Variants in ARHGEF33 observed in about 807,000 individuals in gnomAD.
ARHGEF33 encodes the protein DH and coiled-coil domain-containing protein ENSP00000381780.
ARHGEF33 carries 72 observed loss-of-function variants against 101.9 expected under a neutral mutation model. That is an observed-to-expected ratio of 0.71 (90% CI 0.58 to 0.86). The LOEUF is 0.86. Among genes scored for constraint, ARHGEF33 ranks in the 40% least tolerant of loss-of-function variants. The probability of loss-of-function intolerance (pLI) is 0.00; values close to 1 mark genes in which losing one functional copy is unlikely to be tolerated. For missense variants in ARHGEF33, 1,169 were observed against 1,111.3 expected, an observed-to-expected ratio of 1.05 and a Z score of -0.74; for synonymous variants, 499 against 442.5, an observed-to-expected ratio of 1.13 and a Z score of -1.60.
chr2:38,929,947 G>T, intron 6 of ARHGEF33, 117 bp downstream of exon 6: 1 of 821,390 alleles, frequency 1.2e-6, no homozygotes, highest in Non-Finnish European at 1.8e-6. Context: ...GTGCTCCACA[G>T]CTTGGCATGC....
chr2:38,970,627 G>A (rs1303625615), intron 17 of ARHGEF33, among the ~76,000 whole-genome samples: 2 of 152,164 alleles, frequency 1.3e-5, no homozygotes, highest in Non-Finnish European at 2.9e-5. Flanking sequence ...CAATGTACTA[G>A]GTTCTGTCCA....
rs776127665 is a variant in ARHGEF33, at chr2:38,960,648, GGTAAA to G, written c.2343+6_2343+10del. 372 of 1,419,178 alleles carry G rather than the reference GGTAAA, an allele frequency of 2.6e-4. No homozygotes were observed. The highest frequency in any genetic ancestry group is 3.2e-4 in the Non-Finnish European group (348 of 1,072,638). The allele number at this position is 1,419,178 out of a possible 1,614,324, so 87.9% of individuals were successfully genotyped here. A position where few individuals can be genotyped will look rare whatever the true frequency, so the allele number is the denominator to read the frequency against. ...AACAGACCTATTTGGAAGTAAGGAG[GGTAAA>G]GTAAAACCGAACCGAAACCCACAGC... On this transcript the variant is annotated splice_donor_variant and splice_donor_5th_base_variant and intron_variant, in intron 16 of 17. Transcript: ENST00000409978. LOFTEE classifies it high-confidence loss of function.
chr2:38,923,318 A>G (rs1399670598), intron 4 of ARHGEF33, among the ~76,000 whole-genome samples: 1 of 152,212 alleles, frequency 6.6e-6, no homozygotes, highest in Non-Finnish European at 1.5e-5. Flanking sequence ...AAGAAGAAGA[A>G]AGAGGAGAAG....
intron 5 of ARHGEF33, 38 bp from the exon 6 acceptor site, chr2:38,929,671 A>G: frequency 2.0e-6 from 3 of 1,534,644 alleles, no homozygotes; most frequent in Non-Finnish European, 2.6e-6. Flanking sequence ...CTTTTACCCC[A>G]TGTACCACGT....
intron 15 of ARHGEF33, chr2:38,959,349 G>A (rs1667852821): frequency 6.6e-6 from 1 of 152,570 alleles, no homozygotes; most frequent in African/African-American, 2.4e-5. Flanking sequence ...ACATAGAAGA[G>A]TTCAGTGAAC....
At chr2:38,958,296 T>C in intron 15 of ARHGEF33, 98 bp downstream of exon 15, 1 of 1,443,026 alleles carries the variant, frequency 6.9e-7, no homozygotes, top group Non-Finnish European at 9.3e-7. Flanking sequence ...TCCATCCCCT[T>C]TCCCCATCAG....
intron 9 of ARHGEF33, 150 bp from the exon 10 acceptor site, chr2:38,943,751 G>A (rs185812007): frequency 3.9e-4 from 290 of 747,968 alleles, no homozygotes; most frequent in Admixed American, 1.3e-3. Flanking sequence ...GAATTACTGC[G>A]CCTCCATTCT....
At chr2:38,911,809 G>T (rs1288968515) in intron 2 of ARHGEF33, among the ~76,000 whole-genome samples, 1 of 152,186 alleles carries the variant, frequency 6.6e-6, no homozygotes, top group Non-Finnish European at 1.5e-5. Flanking sequence ...CCAGGAGGTT[G>T]AGGCAGTGAG....
rs1264429067 is a variant in ARHGEF33 at position 38,958,135 on chromosome 2, G to A, written c.1472G>A (p.Gly491Glu). ...TAGPEAVRDTGIHSEELLQPY... is the reference protein window; with the variant it reads ...TAGPEAVRDTEIHSEELLQPY... Reference sequence around the variant, plus strand: ...GGTCCTGAGGCTGTCCGTGACACTGGGATCCACTCAGAAGAGTTGCTGCAA... The same window carrying A: ...GGTCCTGAGGCTGTCCGTGACACTGAGATCCACTCAGAAGAGTTGCTGCAA... The change falls in exon 15 of 18, where the codon GGG becomes GAG. Residue 491 changes from glycine to glutamate, a missense_variant. Coordinates refer to ENST00000409978, the MANE Select transcript of ARHGEF33 (RefSeq NM_001145451.5). 6.4e-7 allele frequency: 1 copy of A among 1,551,812 alleles called. No individual in the cohort carries two copies. The highest frequency in any genetic ancestry group is 8.7e-7 in the Non-Finnish European group (1 of 1,147,066).
At chr2:38,959,801 C>A in intron 15 of ARHGEF33, 40 bp from the exon 16 acceptor site, 1 of 1,493,710 alleles carries the variant, frequency 6.7e-7, no homozygotes, top group Non-Finnish European at 9.0e-7. Flanking sequence ...ACTAACCGGC[C>A]GTAAGCACAG....
intron 4 of ARHGEF33, among the ~76,000 whole-genome samples, chr2:38,924,505 A>T (rs1216645173): frequency 6.6e-6 from 1 of 152,182 alleles, no homozygotes; most frequent in Non-Finnish European, 1.5e-5. Flanking sequence ...GTAACTGCAC[A>T]ATTTAGTGCT....
chr2:38,912,775 C>A (rs1868867), intron 2 of ARHGEF33, among the ~76,000 whole-genome samples: 1 of 151,862 alleles, frequency 6.6e-6, no homozygotes, highest in African/African-American at 2.4e-5. Context: ...TGGACCTGCC[C>A]GAATTACAAT....
chr2:38,906,543 G>A lies in ARHGEF33; in HGVS notation c.-86+10694G>A, dbSNP rs114124141. 4.1e-3 allele frequency among the ~76,000 whole-genome samples: 629 copies of A among 152,250 alleles called. 5 individuals are homozygous for A. Among genetic ancestry groups the A allele is most frequent in the African/African-American group, 0.014 (600 of 41,534 alleles). On this transcript the variant is annotated intron_variant, in intron 2 of 17. Coordinates refer to ENST00000409978, the MANE Select transcript of ARHGEF33 (RefSeq NM_001145451.5). ...TAGCTCTAGGGAGGGCATGTATGAG[G>A]TAAGCTGGAATTATAAAAGAAATAA...
intron 8 of ARHGEF33, 111 bp from the exon 9 acceptor site, chr2:38,937,224 G>C: frequency 1.6e-6 from 1 of 626,574 alleles, no homozygotes; most frequent in East Asian, 2.8e-5. Flanking sequence ...TCAATCTCCT[G>C]ACTTCGTGAT....
At chr2:38,892,479 G>C (rs943920618) in intron 1 of ARHGEF33, among the ~76,000 whole-genome samples, 1 of 152,224 alleles carries the variant, frequency 6.6e-6, no homozygotes, top group Non-Finnish European at 1.5e-5. Flanking sequence ...TAACACCCGG[G>C]CAAAGGATGA....
Position 38,959,700 on chromosome 2 carries a change from G to A in ARHGEF33, c.1536-141G>A, listed in dbSNP as rs1203604423. ...CCTGGGAACGGGGGTTCGTGGGAGC[G>A]CCTTAGTGGAAGTTTGTGGAGCTCG... On this transcript the variant is annotated intron_variant, in intron 15 of 17. Coordinates refer to ENST00000409978, the MANE Select transcript of ARHGEF33 (RefSeq NM_001145451.5). 1.4e-5 allele frequency: 13 copies of A among 908,804 alleles called. No individual in the cohort carries two copies. In the East Asian group the frequency reaches 3.3e-4, roughly 23 times the overall value. The allele number at this position is 908,804 out of a possible 1,614,324, so 56.3% of individuals were successfully genotyped here.
intron 2 of ARHGEF33, among the ~76,000 whole-genome samples, chr2:38,905,339 A>G (rs543677171): frequency 2.0e-5 from 3 of 152,246 alleles, no homozygotes; most frequent in Non-Finnish European, 4.4e-5. Context: ...TGGATTAAAC[A>G]AAAGAACAGT....
At chr2:38,937,796 C>A (rs1396429499) in intron 9 of ARHGEF33, among the ~76,000 whole-genome samples, 1 of 152,138 alleles carries the variant, frequency 6.6e-6, no homozygotes, top group African/African-American at 2.4e-5. Context: ...TAATGGAGTG[C>A]TGTGGGCGGG....
intron 2 of ARHGEF33, among the ~76,000 whole-genome samples, chr2:38,896,926 C>CT (rs1666134749): frequency 6.6e-6 from 1 of 151,766 alleles, no homozygotes; most frequent in Non-Finnish European, 1.5e-5. Flanking sequence ...TTCTTTTTTT[C>CT]TTTTTTTGAG....
Sources: allele counts gnomAD v4.1 joint callset (sites outside exome capture counted in the v4.1 genomes callset), GRCh38; gene constraint gnomAD v4.1.1; transcripts MANE v1.5; gene names NCBI Gene and HGNC (gene_info 2026-07-23, HGNC 2026-07-21).